The following MRTFB variants were observed in gnomAD, a reference collection of about 807,000 sequenced individuals.
MRTFB encodes the protein myocardin-related transcription factor B.
A neutral mutation model predicts 104.2 loss-of-function variants in MRTFB; 29 were observed. The ratio of observed to expected loss-of-function variants is 0.28; its 90% CI spans 0.21 to 0.38. The LOEUF (loss-of-function observed/expected upper bound fraction) is 0.38. Ranked by LOEUF, MRTFB falls within the 10% of genes least tolerant of loss-of-function variation. The pLI is 1.00. For missense variants in MRTFB, 1,270 were observed against 1,341.6 expected (o/e 0.95, Z 0.83); for synonymous variants, 535 against 519.5 (o/e 1.03, Z -0.41).
At chr16:14,095,718 C>T (rs1388759111) in intron 2 of MRTFB, among the ~76,000 whole-genome samples, 2 of 152,138 alleles carry the variant, frequency 1.3e-5, no homozygotes, top group African/African-American at 4.8e-5. Context: ...GGATACTTTT[C>T]TTACCATTTT....
At chr16:14,042,853 G>T in the MRTFB span, among the ~76,000 whole-genome samples, 1 of 152,170 alleles carries the variant, frequency 6.6e-6, no homozygotes, top group Non-Finnish European at 1.5e-5. Flanking sequence ...TACCCCAGAC[G>T]GGAAATGTGT....
rs11410431 is a variant in MRTFB at position 14,131,778 on chromosome 16, TA to T, written c.-63-8755del. Reference sequence around the variant, plus strand: ...TACATTCACAAGGATAACTATAATTTAAAAAAAAAAAGAGAGAATGTGGAGA... The same window carrying T: ...TACATTCACAAGGATAACTATAATTTAAAAAAAAAAGAGAGAATGTGGAGA... On this transcript the variant is annotated intron_variant, in intron 2 of 16. Coordinates refer to ENST00000571589, the MANE Select transcript of MRTFB (RefSeq NM_001308142.2). Among the ~76,000 whole-genome samples the T allele has an allele frequency of 4.8e-3, 701 of 147,150 alleles. 3 individuals are homozygous for T. The highest frequency in any genetic ancestry group is 0.013 in the African/African-American group (530 of 40,572).
the MRTFB span, among the ~76,000 whole-genome samples, chr16:14,013,918 C>T: frequency 6.6e-6 from 1 of 152,188 alleles, no homozygotes; most frequent in Non-Finnish European, 1.5e-5. Flanking sequence ...CATGTGAAGT[C>T]CACCCTCGCA....
the MRTFB span, among the ~76,000 whole-genome samples, chr16:13,997,338 G>T: frequency 7.9e-5 from 12 of 151,926 alleles, no homozygotes; most frequent in Non-Finnish European, 1.2e-4. Flanking sequence ...TTAGTTTATT[G>T]GGCAACTTTG....
At chr16:14,249,158 G>A in intron 13 of MRTFB, 77 bp downstream of exon 13, 1 of 1,509,408 alleles carries the variant, frequency 6.6e-7, no homozygotes, top group East Asian at 2.4e-5. Flanking sequence ...AAGCATCTTT[G>A]TAAACGCCCT....
chr16:14,000,342 C>G, the MRTFB span, among the ~76,000 whole-genome samples: 3 of 152,326 alleles, frequency 2.0e-5, no homozygotes, highest in Non-Finnish European at 4.4e-5. Context: ...TACACCTGCT[C>G]TTTCACCGCT....
chr16:14,231,957 C>G (rs139640815), intron 8 of MRTFB, among the ~76,000 whole-genome samples: 2 of 152,148 alleles, frequency 1.3e-5, no homozygotes, highest in South Asian at 4.1e-4. Flanking sequence ...TTGTGTTATG[C>G]TGGAGTCTGG....
chr16:14,032,089 T>G, the MRTFB span, among the ~76,000 whole-genome samples: 1 of 152,246 alleles, frequency 6.6e-6, no homozygotes, highest in African/African-American at 2.4e-5. Flanking sequence ...ATTACAGGTG[T>G]GAGCCACTGA....
At chr16:14,204,592 T>TA (rs1293361659) in intron 3 of MRTFB, among the ~76,000 whole-genome samples, 1 of 152,224 alleles carries the variant, frequency 6.6e-6, no homozygotes, top group Admixed American at 6.5e-5. Flanking sequence ...ATATTGTTTT[T>TA]ATCTGTTGTG....
rs772358446 is a variant in MRTFB, at chr16:14,234,164, A to G, written c.712A>G (p.Thr238Ala). The part of the protein sequence containing the change: ...TPAQFASVSP[T>A]VPEFLKTPPT... The stretch of plus-strand genomic sequence containing the variant: ...CCACCAGTTTGCTTCAGTGTCCCCA[A>G]CAGTTCCTGAATTCTTGAAAACTCC... The change falls in exon 9 of 17, where the codon ACA becomes GCA. Residue 238 changes from threonine (T) to alanine (A), a missense_variant. By Grantham distance (58) the Thr-to-Ala change is moderately conservative. Transcript: ENST00000571589. The G allele has an allele frequency of 1.2e-5, 20 of 1,614,006 alleles. No homozygotes were observed. The highest frequency in any genetic ancestry group is 2.2e-5 in the East Asian group (1 of 44,874).
chr16:14,022,507 C>G, the MRTFB span, among the ~76,000 whole-genome samples: 3 of 152,332 alleles, frequency 2.0e-5, no homozygotes, highest in African/African-American at 7.2e-5. Flanking sequence ...AGTGATTCTC[C>G]TGCCTCAGCC....
At chr16:14,239,294 A>C (rs767714173) in intron 9 of MRTFB, among the ~76,000 whole-genome samples, 19 of 152,384 alleles carry the variant, frequency 1.2e-4, no homozygotes, top group Non-Finnish European at 2.6e-4. Context: ...CATTCTATGA[A>C]TGTTAGAATA....
chr16:14,187,031 G>A, intron 3 of MRTFB: 1 of 1,594,764 alleles, frequency 6.3e-7, no homozygotes, highest in African/African-American at 1.3e-5. Context: ...AAAGTCTCAA[G>A]GAAGGTCAGT....
chr16:14,023,580 T>TAC, the MRTFB span, among the ~76,000 whole-genome samples: 2,446 of 93,986 alleles, frequency 0.026, 64 homozygotes, highest in African/African-American at 0.094. Context: ...CAAGGGCAGA[T>TAC]ACACACACAC....
chr16:14,181,867 G>T (rs1237898437), intron 3 of MRTFB, among the ~76,000 whole-genome samples: 2 of 152,142 alleles, frequency 1.3e-5, no homozygotes, highest in Non-Finnish European at 2.9e-5. Context: ...AAGCCATACA[G>T]TTTTTCTCAC....
At chr16:14,190,092 C>T (rs2040110137) in intron 3 of MRTFB, among the ~76,000 whole-genome samples, 1 of 152,216 alleles carries the variant, frequency 6.6e-6, no homozygotes, top group Non-Finnish European at 1.5e-5. Context: ...AGCATATCAT[C>T]TCACAGCTTT....
At position 14,127,922 on chromosome 16, in the gene MRTFB, TATA is replaced by T. The variant is rs1567355841; in HGVS notation, c.-63-12621_-63-12619del. On this transcript the variant is annotated intron_variant, in intron 2 of 16. Coordinates refer to ENST00000571589, the MANE Select transcript of MRTFB (RefSeq NM_001308142.2). ...CTGAATATATATATATATATATATA[TATA>T]TATATTTTTTTTTTTTTTTTTTTTT... 1.4e-4 allele frequency among the ~76,000 whole-genome samples: 6 copies of T among 43,606 alleles called. No individual in the cohort carries two copies. In the African/African-American group the frequency reaches 1.8e-3, roughly 13 times the overall value. 28.6% of individuals were successfully genotyped at this position (43,606 alleles called of 152,430 possible).
chr16:14,025,545 T>A, the MRTFB span, among the ~76,000 whole-genome samples: 1 of 152,128 alleles, frequency 6.6e-6, no homozygotes, highest in Non-Finnish European at 1.5e-5. Flanking sequence ...CTAGTCTGAC[T>A]TAAGGTAGGA....
chr16:14,221,394 C>G (rs1475604752), intron 8 of MRTFB, among the ~76,000 whole-genome samples: 2 of 152,170 alleles, frequency 1.3e-5, no homozygotes, highest in Admixed American at 1.3e-4. Flanking sequence ...CACAAAGTTC[C>G]TAGAGGACAG....
Sources: gnomAD v4.1 joint callset for allele counts (sites outside exome capture counted in the v4.1 genomes callset) on GRCh38, gnomAD v4.1.1 for gene constraint, MANE v1.5 for transcripts, NCBI Gene and HGNC (gene_info 2026-07-23, HGNC 2026-07-21) for gene names.